Variants in SAMD12 observed in about 807,000 individuals in gnomAD.
SAMD12 encodes the protein sterile alpha motif domain-containing protein 12.
A neutral mutation model predicts 15.0 loss-of-function variants in SAMD12; 9 were observed. The ratio of observed to expected loss-of-function variants is 0.60; its 90% confidence interval spans 0.36 to 1.05. The LOEUF (loss-of-function observed/expected upper bound fraction) is 1.05, where lower values mean the gene tolerates loss of function less well. SAMD12 is among the 50% of genes least tolerant of loss of function. SAMD12 has a pLI of 0.01. For missense variants in SAMD12, 230 were observed against 234.2 expected, an observed-to-expected ratio of 0.98 and a Z score of 0.12; for synonymous variants, 86 against 90.1, an observed-to-expected ratio of 0.96 and a Z score of 0.25.
In SAMD12 at chr8:118,249,684, C is replaced by T. The variant is rs150560226; in HGVS notation, c.434-51952G>A. The stretch of plus-strand genomic sequence containing the variant: ...GTAATTCTAATGACAGGTAGCTTCT[C>T]ACTAACAAAAGACATGCAATAATTC... On this transcript the variant is annotated intron_variant, in intron 4 of 4. Coordinates refer to the SAMD12 transcript ENST00000409003. Among the ~76,000 whole-genome samples the T allele has an allele frequency of 3.6e-3, 555 of 152,242 alleles. 6 individuals are homozygous for T. The highest frequency in any genetic ancestry group is 0.012 in the African/African-American group (519 of 41,548).
intron 3 of SAMD12, among the ~76,000 whole-genome samples, chr8:118,384,765 T>C (rs1472957234): frequency 6.6e-6 from 1 of 152,192 alleles, no homozygotes; most frequent in African/African-American, 2.4e-5. Context: ...AAAATATTCT[T>C]CTTTTCTTGA....
intron 4 of SAMD12, among the ~76,000 whole-genome samples, chr8:118,355,766 A>C (rs898795109): frequency 1.3e-5 from 2 of 152,204 alleles, no homozygotes; most frequent in Admixed American, 1.3e-4. Flanking sequence ...ATCCAAATGC[A>C]TATCTGTATA....
At chr8:118,321,033 G>T (rs1241423991) in intron 4 of SAMD12, among the ~76,000 whole-genome samples, 1 of 146,324 alleles carries the variant, frequency 6.8e-6, no homozygotes, top group Admixed American at 6.9e-5. Flanking sequence ...ATTGAGTTTT[G>T]TACCCTACAT....
At chr8:118,257,991 G>T (rs977357889) in intron 4 of SAMD12, among the ~76,000 whole-genome samples, 6 of 152,042 alleles carry the variant, frequency 3.9e-5, no homozygotes, top group African/African-American at 1.4e-4. Flanking sequence ...TCCTTGCTAC[G>T]GCAGACAGAA....
chr8:118,544,541 T>C (rs565053752), intron 2 of SAMD12, among the ~76,000 whole-genome samples: 7 of 152,002 alleles, frequency 4.6e-5, no homozygotes, highest in Non-Finnish European at 8.8e-5. Flanking sequence ...AGTCAAAGAG[T>C]GTACACGGTT....
chr8:118,298,052 G>A (rs1301506852), intron 4 of SAMD12, among the ~76,000 whole-genome samples: 3 of 141,072 alleles, frequency 2.1e-5, no homozygotes, highest in Non-Finnish European at 3.0e-5. Flanking sequence ...CTTCTTACCC[G>A]ACAGGTGGGG....
intron 2 of SAMD12, among the ~76,000 whole-genome samples, chr8:118,523,776 C>G (rs1825455982): frequency 6.6e-6 from 1 of 152,234 alleles, no homozygotes; most frequent in Admixed American, 6.5e-5. Context: ...TCTGTAGCAT[C>G]TACTCTCCAT....
chr8:118,531,839 G>A (rs1825694262), intron 2 of SAMD12, among the ~76,000 whole-genome samples: 1 of 152,174 alleles, frequency 6.6e-6, no homozygotes, highest in Non-Finnish European at 1.5e-5. Context: ...TGAGATGATA[G>A]GGTTTTCTAA....
At chr8:118,195,934 T>C (rs746839685) in exon 5 of SAMD12, 3 of 152,338 alleles carry the variant, frequency 2.0e-5, no homozygotes, top group Non-Finnish European at 2.9e-5. Context: ...CTCCTAATTA[T>C]AGATGTGAAG....
intron 4 of SAMD12, among the ~76,000 whole-genome samples, chr8:118,210,849 A>T (rs377024809): frequency 6.6e-6 from 1 of 152,158 alleles, no homozygotes; most frequent in South Asian, 2.1e-4. Context: ...CTCAAAGCCT[A>T]TCTCTCCCTG....
intron 2 of SAMD12, among the ~76,000 whole-genome samples, chr8:118,478,219 C>A (rs1229987595): frequency 1.3e-5 from 2 of 152,026 alleles, no homozygotes; most frequent in Non-Finnish European, 2.9e-5. Flanking sequence ...TTCCTTTGAG[C>A]CTTAGATAAT....
intron 1 of SAMD12, among the ~76,000 whole-genome samples, chr8:118,581,907 A>G (rs1827305548): frequency 6.6e-6 from 1 of 151,846 alleles, no homozygotes; most frequent in African/African-American, 2.4e-5. Flanking sequence ...GATACTTAAT[A>G]CCCCCATCTT....
intron 4 of SAMD12, among the ~76,000 whole-genome samples, chr8:118,256,721 G>A (rs1047206284): frequency 2.7e-5 from 4 of 150,436 alleles, no homozygotes. Context: ...AGCAGAACTT[G>A]ATAAATGATT....
At chr8:118,346,994 C>T (rs1174365713) in intron 4 of SAMD12, among the ~76,000 whole-genome samples, 2 of 152,206 alleles carry the variant, frequency 1.3e-5, no homozygotes, top group African/African-American at 2.4e-5. Context: ...GCCCCGAATT[C>T]CCGGACTCAT....
intron 3 of SAMD12, among the ~76,000 whole-genome samples, chr8:118,436,481 T>G (rs1822577620): frequency 6.6e-6 from 1 of 152,224 alleles, no homozygotes; most frequent in Admixed American, 6.5e-5. Flanking sequence ...TTAATATATG[T>G]CTTTTTTATT....
chr8:118,279,125 A>G (rs1299339687), intron 4 of SAMD12, among the ~76,000 whole-genome samples: 1 of 152,222 alleles, frequency 6.6e-6, no homozygotes, highest in East Asian at 1.9e-4. Context: ...CCAATTGCAC[A>G]TCTGGGTCTG....
chr8:118,264,190 T>C (rs1813147532), intron 4 of SAMD12, among the ~76,000 whole-genome samples: 1 of 152,114 alleles, frequency 6.6e-6, no homozygotes, highest in South Asian at 2.1e-4. Flanking sequence ...TTTGTTGTAT[T>C]GGCATCTTTA....
At chr8:118,202,157 G>A (rs2451163) in intron 4 of SAMD12, among the ~76,000 whole-genome samples, 79,429 of 151,974 alleles carry the variant, frequency 0.52, 22,095 homozygotes, top group Non-Finnish European at 0.62. Flanking sequence ...AGCATTTTGC[G>A]TGGTGTTTAG....
intron 2 of SAMD12, among the ~76,000 whole-genome samples, chr8:118,513,910 T>A (rs190278457): frequency 2.6e-5 from 4 of 152,348 alleles, no homozygotes; most frequent in African/African-American, 9.6e-5. Context: ...GAGCCATCAC[T>A]ATTCCATCCC....
Sources: gnomAD v4.1 joint callset for allele counts (sites outside exome capture counted in the v4.1 genomes callset) on GRCh38, gnomAD v4.1.1 for gene constraint, MANE v1.5 for transcripts, NCBI Gene and HGNC (gene_info 2026-07-23, HGNC 2026-07-21) for gene names.